ZFHX3: variants seen among roughly 807,000 people sequenced by gnomAD.
ZFHX3 encodes zinc finger homeobox protein 3.
A neutral mutation model predicts 279.1 loss-of-function variants in ZFHX3; 42 were observed. That is an observed-to-expected ratio of 0.15 (90% CI 0.12 to 0.19). The LOEUF is 0.19. ZFHX3 is among the 10% of genes least tolerant of loss of function. The pLI is 1.00. For synonymous variants in ZFHX3, 2,293 were observed against 1,957.8 expected, an observed-to-expected ratio of 1.17 and a Z score of -4.52; for missense variants, 4,981 against 4,754.0, an observed-to-expected ratio of 1.05 and a Z score of -1.40.
chr16:73,306,542 C>T (rs1199793064), intron 4 of ZFHX3, among the ~76,000 whole-genome samples: 1 of 152,182 alleles, frequency 6.6e-6, no homozygotes, highest in Non-Finnish European at 1.5e-5. Flanking sequence ...AGGCTGGTCT[C>T]AAACTTCTGA....
chr16:73,197,199 C>T (rs1261363108), intron 5 of ZFHX3, among the ~76,000 whole-genome samples: 1 of 152,166 alleles, frequency 6.6e-6, no homozygotes, highest in South Asian at 2.1e-4. Flanking sequence ...TAATGTGTGG[C>T]CTCCTGTCTA....
At chr16:73,538,580 G>A (rs191392601) in intron 2 of ZFHX3, among the ~76,000 whole-genome samples, 2 of 152,220 alleles carry the variant, frequency 1.3e-5, no homozygotes, top group African/African-American at 4.8e-5. Flanking sequence ...GGAGACATTT[G>A]GACAAAAGAT....
rs946294212 is a variant in ZFHX3 at position 73,068,224 on chromosome 16, C to A, written c.-532-9212G>T. On this transcript the variant is annotated intron_variant, in intron 8 of 17. Transcript: ENST00000641206. ...TTAAGTGGCTCAGCTTGAATTTGAA[C>A]CTGGGCCTGTCAGGCTTTAAAGCTA... Among the ~76,000 whole-genome samples the A allele has an allele frequency of 2.6e-5, 4 of 152,306 alleles. No individual in the cohort carries two copies. The East Asian group carries it at 7.7e-4, about 29-fold the overall frequency.
intron 3 of ZFHX3, among the ~76,000 whole-genome samples, chr16:72,895,124 CGCGCACACACATGT>C (rs2038867202): frequency 6.6e-6 from 1 of 152,166 alleles, no homozygotes; most frequent in Admixed American, 6.5e-5. Context: ...ACTGCATGCA[CGCGCACACACATGT>C]GAGCACACAC....
intron 3 of ZFHX3, among the ~76,000 whole-genome samples, chr16:73,360,790 C>T (rs2016421826): frequency 6.6e-6 from 1 of 152,080 alleles, no homozygotes; most frequent in Admixed American, 6.5e-5. Flanking sequence ...GATAGGAGAC[C>T]TAGAAGTTCA....
intron 2 of ZFHX3, among the ~76,000 whole-genome samples, chr16:73,673,866 T>G (rs2052928006): frequency 6.6e-6 from 1 of 152,000 alleles, no homozygotes; most frequent in Non-Finnish European, 1.5e-5. Flanking sequence ...CGTATGCACA[T>G]CAATACACCC....
At chr16:73,428,408 G>A (rs1231844411) in intron 3 of ZFHX3, among the ~76,000 whole-genome samples, 1 of 152,100 alleles carries the variant, frequency 6.6e-6, no homozygotes, top group Non-Finnish European at 1.5e-5. Context: ...AGCCAGGAAG[G>A]GGCCCTGACA....
chr16:72,837,142 C>A (rs1489349606), intron 4 of ZFHX3, among the ~76,000 whole-genome samples: 3 of 152,206 alleles, frequency 2.0e-5, no homozygotes, highest in Non-Finnish European at 4.4e-5. Flanking sequence ...AAAACAGAGG[C>A]AGGTCTCCCT....
At chr16:72,874,221 TTTTTTG>T in intron 4 of ZFHX3, among the ~76,000 whole-genome samples, 1 of 87,602 alleles carries the variant, frequency 1.1e-5, no homozygotes, top group African/African-American at 3.8e-5. Flanking sequence ...TTTTTTTTTT[TTTTTTG>T]AGACAGTCTC....
chr16:73,457,614 A>T (rs572988961), intron 2 of ZFHX3, among the ~76,000 whole-genome samples: 1 of 152,254 alleles, frequency 6.6e-6, no homozygotes, highest in Non-Finnish European at 1.5e-5. Context: ...CTCTACTAAA[A>T]ATACAAAAAT....
intron 1 of ZFHX3, among the ~76,000 whole-genome samples, chr16:73,832,501 C>T (rs1029296177): frequency 6.6e-6 from 1 of 152,104 alleles, no homozygotes; most frequent in Non-Finnish European, 1.5e-5. Flanking sequence ...TAACTTTTAA[C>T]AAAAGAAATT....
chr16:72,880,927 G>A (rs925681210), intron 4 of ZFHX3, among the ~76,000 whole-genome samples: 1 of 152,212 alleles, frequency 6.6e-6, no homozygotes. Context: ...AAAATTAAAT[G>A]CTTATTTGAA....
chr16:73,616,583 AT>A (rs1306418195), intron 2 of ZFHX3, among the ~76,000 whole-genome samples: 1 of 151,864 alleles, frequency 6.6e-6, no homozygotes, highest in Non-Finnish European at 1.5e-5. Flanking sequence ...GGGAAGCTCA[AT>A]GGCCGTTGCA....
chr16:72,962,154 G>C (rs570544627), intron 1 of ZFHX3, among the ~76,000 whole-genome samples: 2 of 152,294 alleles, frequency 1.3e-5, no homozygotes, highest in East Asian at 3.9e-4. Flanking sequence ...GGAAGGGGGG[G>C]CCACGATTGA....
intron 3 of ZFHX3, among the ~76,000 whole-genome samples, chr16:73,348,428 C>A (rs2143277554): frequency 6.6e-6 from 1 of 152,310 alleles, no homozygotes; most frequent in Non-Finnish European, 1.5e-5. Context: ...ACCCCAGCCT[C>A]CATCCTCTTC....
intron 1 of ZFHX3, among the ~76,000 whole-genome samples, chr16:73,688,356 C>CA (rs61469980): frequency 0.039 from 4,032 of 103,712 alleles, 186 homozygotes; most frequent in African/African-American, 0.11. Context: ...GACTCCATCT[C>CA]AAAAAAAAAA....
intron 2 of ZFHX3, among the ~76,000 whole-genome samples, chr16:73,556,496 G>A (rs1010909684): frequency 6.6e-6 from 1 of 152,182 alleles, no homozygotes; most frequent in Non-Finnish European, 1.5e-5. Flanking sequence ...AAAGAAAGCG[G>A]TACAGCCTGC....
chr16:73,360,332 GTTTTGTTTCT>G (rs1378269077), intron 3 of ZFHX3, among the ~76,000 whole-genome samples: 1 of 152,210 alleles, frequency 6.6e-6, no homozygotes, highest in African/African-American at 2.4e-5. Flanking sequence ...GTTTTGTTTC[GTTTTGTTTCT>G]TTTTGTTTTG....
intron 1 of ZFHX3, among the ~76,000 whole-genome samples, chr16:73,808,095 G>T (rs1299718883): frequency 6.6e-6 from 1 of 152,146 alleles, no homozygotes; most frequent in Non-Finnish European, 1.5e-5. Flanking sequence ...TAAGGGTGGG[G>T]CATGGGCAGG....
Sources: gnomAD v4.1 joint callset for allele counts (sites outside exome capture counted in the v4.1 genomes callset) on GRCh38, gnomAD v4.1.1 for gene constraint, MANE v1.5 for transcripts, NCBI Gene and HGNC (gene_info 2026-07-23, HGNC 2026-07-21) for gene names.